The following SLC12A8 variants were observed in gnomAD, a reference collection of about 807,000 sequenced individuals.
SLC12A8 encodes the protein cation-chloride cotransporter 9.
SLC12A8 carries 69 observed loss-of-function variants against 75.6 expected under a neutral mutation model. The ratio of observed to expected loss-of-function variants is 0.91; its 90% CI spans 0.75 to 1.11. SLC12A8 has a LOEUF of 1.11. SLC12A8 is among the 50% of genes most tolerant of loss of function. The pLI, the probability that SLC12A8 is intolerant of heterozygous loss-of-function variation, is 0.00. For missense variants in SLC12A8, 877 were observed against 896.7 expected, an observed-to-expected ratio of 0.98 and a Z score of 0.28; for synonymous variants, 365 against 372.8, an observed-to-expected ratio of 0.98 and a Z score of 0.24.
chr3:125,152,621 A>G (rs115692280), intron 5 of SLC12A8, among the ~76,000 whole-genome samples: 57 of 152,244 alleles, frequency 3.7e-4, no homozygotes, highest in African/African-American at 1.3e-3. Context: ...GCAGGGGGAG[A>G]GAGAGAAGGA....
chr3:125,138,382 C>G (rs368330757), intron 5 of SLC12A8, among the ~76,000 whole-genome samples: 10 of 152,112 alleles, frequency 6.6e-5, no homozygotes, highest in Admixed American at 5.2e-4. Context: ...GCCTGGGCAA[C>G]AGAGCAAGAC....
At position 125,187,340 on chromosome 3, in the gene SLC12A8, C is replaced by T; in HGVS notation, c.287G>A (p.Gly96Glu). 1 of 1,614,226 alleles carries T rather than the reference C, an allele frequency of 6.2e-7. No individual in the cohort carries two copies. Among genetic ancestry groups the T allele is most frequent in the Non-Finnish European group, 8.5e-7 (1 of 1,180,042 alleles). The change falls in exon 4 of 14, where the codon GGG becomes GAG. Residue 96 changes from glycine (G) to glutamate (E), a missense_variant. Gly to Glu is a moderately conservative substitution (Grantham distance 98). Transcript: ENST00000469902. Reference sequence around the variant, plus strand: ...ACCGCTGCCGATGCTGCTGCGCTCCCCGACGCCAATGCCAGACAGCACCGT... The same window carrying T: ...ACCGCTGCCGATGCTGCTGCGCTCCTCGACGCCAATGCCAGACAGCACCGT... ...LVTVLSGIGV[G>E]ERSSIGSGGV...
chr3:125,130,649 C>G (rs576821924), intron 6 of SLC12A8, among the ~76,000 whole-genome samples: 4 of 151,846 alleles, frequency 2.6e-5, no homozygotes, highest in African/African-American at 9.7e-5. Flanking sequence ...AAGACAAAAG[C>G]TTGGGAGTTG....
intron 10 of SLC12A8, among the ~76,000 whole-genome samples, chr3:125,098,596 G>A (rs969263742): frequency 5.0e-5 from 5 of 99,130 alleles, no homozygotes; most frequent in Admixed American, 9.9e-5. Flanking sequence ...ACACACACAC[G>A]TATAAAACTA....
Position 125,107,694 on chromosome 3 carries a change from T to G in SLC12A8, c.1492A>C (p.Lys498Gln). ...AGGAAGCTATCTTGTAGGGTCTGCT[T>G]GGTGGCCTTCTTGCTTTTCCTCTTC... ...SQKRKSKKAT[K>Q]QTLQDSFLLD... is the part of the protein sequence containing the mutation. The change falls in exon 10 of 14, where the codon AAG becomes CAG. Residue 498 changes from lysine (K) to glutamine (Q), a missense_variant. By Grantham distance (53) the Lys-to-Gln change is moderately conservative. Transcript: ENST00000469902. 6.2e-7 allele frequency: 1 copy of G among 1,614,092 alleles called. No homozygotes were observed. The highest frequency in any genetic ancestry group is 8.5e-7 in the Non-Finnish European group (1 of 1,180,010).
intron 4 of SLC12A8, among the ~76,000 whole-genome samples, chr3:125,184,663 C>T (rs1934735224): frequency 6.6e-6 from 1 of 151,762 alleles, no homozygotes; most frequent in Non-Finnish European, 1.5e-5. Context: ...AATAGGGAGC[C>T]TCAAAACCCC....
At chr3:125,128,211 C>T (rs1302711250) in intron 6 of SLC12A8, among the ~76,000 whole-genome samples, 23 of 119,996 alleles carry the variant, frequency 1.9e-4, no homozygotes, top group South Asian at 5.9e-4. Context: ...GACGGAGTCT[C>T]GCTCTGTCGC....
intron 5 of SLC12A8, chr3:125,151,161 C>G (rs1933913981): frequency 6.6e-6 from 1 of 152,218 alleles, no homozygotes; most frequent in South Asian, 2.1e-4. Context: ...GGGTTTTCTT[C>G]TTCTTTTCTC....
At chr3:125,088,420 A>G (rs756337090) in intron 12 of SLC12A8, 50 bp from the exon 13 acceptor site, 55 of 1,555,180 alleles carry the variant, frequency 3.5e-5, no homozygotes, top group Admixed American at 3.4e-5. Flanking sequence ...TACATAAGGC[A>G]TCTAGAAGCT....
chr3:125,141,682 G>A (rs1933642042), intron 5 of SLC12A8, among the ~76,000 whole-genome samples: 1 of 136,420 alleles, frequency 7.3e-6, no homozygotes, highest in Non-Finnish European at 1.6e-5. Context: ...CAGGCTGCGG[G>A]CTGCGGGCTG....
chr3:125,136,884 T>C (rs1933506835), intron 5 of SLC12A8, among the ~76,000 whole-genome samples: 1 of 152,192 alleles, frequency 6.6e-6, no homozygotes, highest in Non-Finnish European at 1.5e-5. Context: ...AAGTCAAGTG[T>C]TGTTGGTTTC....
chr3:125,185,058 C>T (rs1200317447), intron 4 of SLC12A8, among the ~76,000 whole-genome samples: 1 of 152,168 alleles, frequency 6.6e-6, no homozygotes, highest in African/African-American at 2.4e-5. Flanking sequence ...CAGTGGCTTA[C>T]GCCTGTAATC....
intron 5 of SLC12A8, among the ~76,000 whole-genome samples, chr3:125,144,974 G>A (rs1185459984): frequency 6.6e-6 from 1 of 152,174 alleles, no homozygotes; most frequent in Non-Finnish European, 1.5e-5. Context: ...GAGGCCATGG[G>A]CAGCTCTCCC....
At chr3:125,165,723 C>T (rs1156932543) in intron 5 of SLC12A8, among the ~76,000 whole-genome samples, 3 of 152,186 alleles carry the variant, frequency 2.0e-5, no homozygotes, top group Non-Finnish European at 2.9e-5. Flanking sequence ...GCAGTGTGTT[C>T]GTTCTTTGCA....
chr3:125,186,076 G>C (rs1282176526), intron 4 of SLC12A8, among the ~76,000 whole-genome samples: 1 of 152,054 alleles, frequency 6.6e-6, no homozygotes, highest in African/African-American at 2.4e-5. Context: ...AGGCTCACTT[G>C]GTGTCTGTAC....
chr3:125,135,714 C>T lies in SLC12A8; in HGVS notation c.691G>A (p.Glu231Lys), dbSNP rs759195788. The change falls in exon 6 of 14, where the codon GAA becomes AAA. Residue 231 changes from glutamate (E) to lysine (K), a missense_variant. Physicochemically the swap from Glu to Lys is moderately conservative, Grantham distance 56 (BLOSUM62 1). Transcript: ENST00000469902. ...ACCCCAAAGACAGTGAAAAAAGATT[C>T]CCCCGGGCTGTAATCGGGCAGCGTG... ...NNTLPDYSPG[E>K]SFFTVFGVFF... 4 of 1,609,558 alleles carry T rather than the reference C, an allele frequency of 2.5e-6. No individual in the cohort carries two copies. Among genetic ancestry groups the T allele is most frequent in the Non-Finnish European group, 3.4e-6 (4 of 1,177,272 alleles).
chr3:125,200,293 C>CA (rs1935095239), intron 2 of SLC12A8, among the ~76,000 whole-genome samples: 1 of 151,998 alleles, frequency 6.6e-6, no homozygotes, highest in South Asian at 2.1e-4. Flanking sequence ...ACTAAAAATA[C>CA]AAAAAATAAG....
chr3:125,142,887 A>G (rs1933683427), intron 5 of SLC12A8, among the ~76,000 whole-genome samples: 1 of 152,210 alleles, frequency 6.6e-6, no homozygotes, highest in African/African-American at 2.4e-5. Flanking sequence ...GTAAAATCCC[A>G]AACCAGCTTC....
In SLC12A8 at chr3:125,089,782, G is replaced by A. The variant is rs1290242407; in HGVS notation, c.1922-1412C>T. Among the ~76,000 whole-genome samples, 4 of 10,620 alleles carry A rather than the reference G, an allele frequency of 3.8e-4. 2 individuals carry two copies. Among genetic ancestry groups the A allele is most frequent in the Admixed American group, 2.0e-3 (2 of 1,008 alleles). The allele number at this position is 10,620 out of a possible 152,430, so 7.0% of individuals were successfully genotyped here. Reference sequence around the variant, plus strand: ...CGGCTCACTGCAACCTCTGCCTACTGGGCTCTTACTTTGGGTTTAATTTGC... The same window carrying A: ...CGGCTCACTGCAACCTCTGCCTACTAGGCTCTTACTTTGGGTTTAATTTGC... On this transcript the variant is annotated intron_variant, in intron 12 of 13. Coordinates refer to ENST00000469902, the MANE Select transcript of SLC12A8 (RefSeq NM_024628.6).
Sources: allele counts gnomAD v4.1 joint callset (sites outside exome capture counted in the v4.1 genomes callset), GRCh38; gene constraint gnomAD v4.1.1; transcripts MANE v1.5; gene names NCBI Gene and HGNC (gene_info 2026-07-23, HGNC 2026-07-21).